The following ARHGEF28 variants were observed in gnomAD, a reference collection of about 807,000 sequenced individuals.
ARHGEF28 encodes the protein Rho guanine nucleotide exchange factor 28.
Under a neutral mutation model 206.6 loss-of-function variants are expected in ARHGEF28, and 152 were observed. The observed-to-expected ratio is 0.74, with a 90% CI of 0.64 to 0.84. The LOEUF is 0.84. ARHGEF28 is among the 40% of genes least tolerant of loss of function. ARHGEF28 has a pLI of 0.00. For missense variants in ARHGEF28, 2,028 were observed against 2,073.2 expected, an observed-to-expected ratio of 0.98 and a Z score of 0.42; for synonymous variants, 763 against 776.4, an observed-to-expected ratio of 0.98 and a Z score of 0.29.
chr5:73,660,712 C>T (rs1328779365), intron 1 of ARHGEF28, among the ~76,000 whole-genome samples: 1 of 152,168 alleles, frequency 6.6e-6, no homozygotes, highest in African/African-American at 2.4e-5. Context: ...TTGTACATCT[C>T]CATCAGAGCT....
At chr5:73,796,293 T>TCA in intron 9 of ARHGEF28, among the ~76,000 whole-genome samples, 1 of 152,314 alleles carries the variant, frequency 6.6e-6, no homozygotes, top group Non-Finnish European at 1.5e-5. Flanking sequence ...CTGAGGCATC[T>TCA]CACACACCTG....
rs991508797 is a variant in ARHGEF28, at chr5:73,909,758, G to A, written c.4508G>A (p.Ser1503Asn). The change falls in exon 34 of 36, where the codon AGC becomes AAC. Residue 1503 changes from serine to asparagine, a missense_variant. Transcript: ENST00000513042. ...LDLQLQEYQH[S>N]LERLREGQRL... ...CTCCAGCTCCAGGAGTACCAGCACA[G>A]CCTGGAGCGGCTGAGGGAGGGCCAG... 1 of 1,512,122 alleles carries A rather than the reference G, an allele frequency of 6.6e-7. No homozygotes were observed. Among genetic ancestry groups the A allele is most frequent in the Non-Finnish European group, 8.8e-7 (1 of 1,131,744 alleles). 93.7% of individuals were successfully genotyped at this position (1,512,122 alleles called of 1,614,324 possible). A position where few individuals can be genotyped will look rare whatever the true frequency, so the allele number is the denominator to read the frequency against.
chr5:73,709,814 C>G (rs114992878), intron 2 of ARHGEF28, among the ~76,000 whole-genome samples: 1 of 152,164 alleles, frequency 6.6e-6, no homozygotes, highest in Non-Finnish European at 1.5e-5. Flanking sequence ...CGCATTCTTT[C>G]GGCCTCCAAC....
intron 7 of ARHGEF28, among the ~76,000 whole-genome samples, chr5:73,782,496 T>C (rs1232073808): frequency 1.3e-5 from 2 of 152,046 alleles, no homozygotes; most frequent in African/African-American, 2.4e-5. Context: ...AGAGAAGGCA[T>C]ATTTCTGGTG....
At chr5:73,860,696 T>C (rs1034894221) in intron 16 of ARHGEF28, among the ~76,000 whole-genome samples, 1 of 152,218 alleles carries the variant, frequency 6.6e-6, no homozygotes, top group Admixed American at 6.5e-5. Context: ...CTACAAGTTA[T>C]GATCAGTACT....
At chr5:73,708,129 A>G (rs1445711713) in intron 2 of ARHGEF28, among the ~76,000 whole-genome samples, 1 of 151,924 alleles carries the variant, frequency 6.6e-6, no homozygotes, top group African/African-American at 2.4e-5. Context: ...CTAGATAAAG[A>G]GTTTGTATAT....
intron 1 of ARHGEF28, among the ~76,000 whole-genome samples, chr5:73,645,895 A>C (rs1268241030): frequency 6.6e-6 from 1 of 150,910 alleles, no homozygotes; most frequent in Non-Finnish European, 1.5e-5. Flanking sequence ...TTGGATGTCC[A>C]TATCTGTGGT....
intron 1 of ARHGEF28, among the ~76,000 whole-genome samples, chr5:73,635,875 C>G (rs1743684961): frequency 6.6e-6 from 1 of 152,132 alleles, no homozygotes; most frequent in Non-Finnish European, 1.5e-5. Context: ...ATTGCCAATG[C>G]TTTAATAGGG....
intron 26 of ARHGEF28, among the ~76,000 whole-genome samples, chr5:73,890,547 C>G (rs1056876707): frequency 6.6e-6 from 1 of 152,194 alleles, no homozygotes; most frequent in African/African-American, 2.4e-5. Context: ...AGGCTGAGCA[C>G]AGGCTGTATA....
At chr5:73,778,479 A>G (rs1020311391) in intron 6 of ARHGEF28, among the ~76,000 whole-genome samples, 16 of 152,180 alleles carry the variant, frequency 1.1e-4, no homozygotes, top group African/African-American at 3.6e-4. Flanking sequence ...TCCAGTTTCT[A>G]TGAGATTTTC....
At chr5:73,836,746 A>G (rs951045340) in intron 10 of ARHGEF28, among the ~76,000 whole-genome samples, 109 of 152,244 alleles carry the variant, frequency 7.2e-4, no homozygotes, top group African/African-American at 2.5e-3. Flanking sequence ...GACCAATGTC[A>G]AGGAGTTTTT....
intron 7 of ARHGEF28, among the ~76,000 whole-genome samples, chr5:73,785,212 T>C (rs4513673): frequency 0.4 from 61,201 of 152,048 alleles, 12,934 homozygotes; most frequent in Non-Finnish European, 0.47. Flanking sequence ...TTTTGAGATT[T>C]GGAATGCATT....
intron 4 of ARHGEF28, among the ~76,000 whole-genome samples, chr5:73,766,616 A>G (rs1580589420): frequency 6.6e-6 from 1 of 152,352 alleles, no homozygotes; most frequent in South Asian, 2.1e-4. Context: ...GAAAAGTGTG[A>G]TGACTTGGCC....
intron 34 of ARHGEF28, among the ~76,000 whole-genome samples, chr5:73,910,211 T>C (rs1048342330): frequency 6.6e-6 from 1 of 151,558 alleles, no homozygotes; most frequent in African/African-American, 2.4e-5. Flanking sequence ...TGAAACCCCG[T>C]GTCTACTAAA....
At chr5:73,668,448 C>G (rs926896070) in intron 1 of ARHGEF28, among the ~76,000 whole-genome samples, 2 of 152,144 alleles carry the variant, frequency 1.3e-5, no homozygotes, top group Non-Finnish European at 2.9e-5. Context: ...CAAGAGGGGG[C>G]CAAACCCACT....
intron 30 of ARHGEF28, chr5:73,899,417 CTCATGACTGGGGAGAGTT>C (rs990771564): frequency 1.3e-5 from 2 of 152,188 alleles, no homozygotes; most frequent in Non-Finnish European, 2.9e-5. Flanking sequence ...ATCCACATCT[CTCATGACTGGGGAGAGTT>C]TCAAAGGGAC....
At chr5:73,873,367 G>A in intron 22 of ARHGEF28, 121 bp downstream of exon 22, 3 of 1,295,664 alleles carry the variant, frequency 2.3e-6, no homozygotes, top group Non-Finnish European at 2.1e-6. Flanking sequence ...GACATTCTGA[G>A]GATGTGTTTA....
chr5:73,898,388 T>C lies in ARHGEF28; in HGVS notation c.3973+295T>C, dbSNP rs1762081708. The C allele has an allele frequency of 1.5e-5, 3 of 199,744 alleles. No individual in the cohort carries two copies. The South Asian group carries it at 3.6e-4, about 24-fold the overall frequency. The allele number at this position is 199,744 out of a possible 1,614,324, so 12.4% of individuals were successfully genotyped here. A position where few individuals can be genotyped will look rare whatever the true frequency, so the allele number is the denominator to read the frequency against. On this transcript the variant is annotated intron_variant, in intron 30 of 35. Transcript: ENST00000513042. ...CCCCTACCCTGCCTCATTTTTGATA[T>C]GATTTATTCATTACAGTTTTGAAAG...
chr5:73,850,076 T>G (rs1758606997), intron 13 of ARHGEF28, among the ~76,000 whole-genome samples: 1 of 125,512 alleles, frequency 8.0e-6, no homozygotes, highest in African/African-American at 3.4e-5. Context: ...TTATTCTTGC[T>G]TATTAAATTG....
Sources: gnomAD v4.1 joint callset for allele counts (sites outside exome capture counted in the v4.1 genomes callset) on GRCh38, gnomAD v4.1.1 for gene constraint, MANE v1.5 for transcripts, NCBI Gene and HGNC (gene_info 2026-07-23, HGNC 2026-07-21) for gene names.